The following ANKS1B variants were observed in gnomAD, a reference collection of about 807,000 sequenced individuals.
ANKS1B encodes ankyrin repeat and sterile alpha motif domain-containing protein 1B.
ANKS1B carries 36 observed loss-of-function variants against 148.3 expected under a neutral mutation model. The observed-to-expected ratio is 0.24, with a 90% confidence interval of 0.19 to 0.32. The LOEUF (loss-of-function observed/expected upper bound fraction) is 0.32. ANKS1B is among the 10% of genes least tolerant of loss of function. The pLI, the probability that ANKS1B is intolerant of heterozygous loss-of-function variation, is 1.00. For missense variants in ANKS1B, 1,157 were observed against 1,542.6 expected (o/e 0.75, Z 4.19); for synonymous variants, 542 against 560.8 (o/e 0.97, Z 0.47).
At chr12:99,161,148 C>A (rs1362163345) in intron 14 of ANKS1B, among the ~76,000 whole-genome samples, 3 of 152,142 alleles carry the variant, frequency 2.0e-5, no homozygotes, top group Admixed American at 2.0e-4. Flanking sequence ...CATATTGATT[C>A]TTTCAATCCA....
chr12:99,283,438 T>C (rs1233302573), intron 12 of ANKS1B, among the ~76,000 whole-genome samples: 2 of 152,224 alleles, frequency 1.3e-5, no homozygotes, highest in African/African-American at 2.4e-5. Flanking sequence ...TATTCATCTT[T>C]ACTGTTTGTT....
At chr12:99,334,802 G>A (rs1483148608) in intron 12 of ANKS1B, among the ~76,000 whole-genome samples, 1 of 152,014 alleles carries the variant, frequency 6.6e-6, no homozygotes, top group Non-Finnish European at 1.5e-5. Context: ...ATGGAGTAAG[G>A]CAAGGTGTCC....
chr12:98,954,557 T>C (rs1360030922), intron 17 of ANKS1B: 2 of 152,228 alleles, frequency 1.3e-5, no homozygotes, highest in Non-Finnish European at 2.9e-5. Flanking sequence ...CAAAATGGTG[T>C]TTATGTAGCT....
At chr12:99,549,181 G>T (rs2097196725) in intron 9 of ANKS1B, among the ~76,000 whole-genome samples, 1 of 152,184 alleles carries the variant, frequency 6.6e-6, no homozygotes, top group African/African-American at 2.4e-5. Context: ...CAAGTCTCCA[G>T]TCCAGGTATA....
intron 8 of ANKS1B, among the ~76,000 whole-genome samples, chr12:99,771,481 G>A (rs1336581875): frequency 1.3e-5 from 2 of 151,984 alleles, no homozygotes; most frequent in Non-Finnish European, 2.9e-5. Context: ...ACTATGTGTT[G>A]TTTATATAGC....
intron 8 of ANKS1B, among the ~76,000 whole-genome samples, chr12:99,712,986 A>G (rs1475218596): frequency 6.6e-6 from 1 of 152,174 alleles, no homozygotes; most frequent in Non-Finnish European, 1.5e-5. Context: ...TGGAAGTCAA[A>G]CAAACTTCTA....
rs190751929 is a variant in ANKS1B, at chr12:99,323,925, C to T, written c.1756+75706G>A. Among the ~76,000 whole-genome samples, 597 of 152,168 alleles carry T rather than the reference C, an allele frequency of 3.9e-3. 4 individuals carry two copies. The highest frequency in any genetic ancestry group is 0.014 in the African/African-American group (568 of 41,514). ...TATAATATTTTTTTTCCTCTTTGGG[C>T]CTCATTTATCTCATTTGTTTTTTGA... is the stretch of plus-strand genomic sequence containing the variant. On this transcript the variant is annotated intron_variant, in intron 12 of 26. Coordinates refer to ENST00000683438, the MANE Select transcript of ANKS1B (RefSeq NM_001352186.2).
intron 9 of ANKS1B, among the ~76,000 whole-genome samples, chr12:99,568,946 T>C (rs1190022945): frequency 6.6e-6 from 1 of 152,226 alleles, no homozygotes; most frequent in Non-Finnish European, 1.5e-5. Context: ...CAATGATTCA[T>C]ACTGATTACC....
intron 9 of ANKS1B, among the ~76,000 whole-genome samples, chr12:99,589,949 C>A (rs1288897606): frequency 6.6e-6 from 1 of 151,958 alleles, no homozygotes; most frequent in Non-Finnish European, 1.5e-5. Context: ...ATATGTGCAA[C>A]TATTATGTAT....
At chr12:99,186,164 C>T (rs982663213) in intron 14 of ANKS1B, among the ~76,000 whole-genome samples, 1 of 152,194 alleles carries the variant, frequency 6.6e-6, no homozygotes, top group African/African-American at 2.4e-5. Flanking sequence ...ATTGGTAAAG[C>T]TGCTGTAGCC....
At chr12:98,896,559 G>A (rs2099764919) in intron 17 of ANKS1B, among the ~76,000 whole-genome samples, 1 of 152,106 alleles carries the variant, frequency 6.6e-6, no homozygotes, top group Admixed American at 6.5e-5. Flanking sequence ...CTTCTGTGAG[G>A]GTCAGGATAA....
intron 17 of ANKS1B, among the ~76,000 whole-genome samples, chr12:98,845,930 T>C (rs1221054627): frequency 1.3e-5 from 2 of 151,766 alleles, no homozygotes; most frequent in Admixed American, 1.3e-4. Context: ...AAAGATACTT[T>C]TTTTTCTGTT....
intron 4 of ANKS1B, among the ~76,000 whole-genome samples, chr12:99,799,389 G>A (rs940260457): frequency 1.3e-5 from 2 of 152,070 alleles, no homozygotes; most frequent in African/African-American, 4.8e-5. Flanking sequence ...CACATCCAAA[G>A]AGAGACCTCT....
intron 17 of ANKS1B, among the ~76,000 whole-genome samples, chr12:98,996,165 C>T (rs1442164901): frequency 6.6e-6 from 1 of 152,022 alleles, no homozygotes; most frequent in Non-Finnish European, 1.5e-5. Flanking sequence ...GCTAGTTCCA[C>T]CTTACCAAGC....
At chr12:99,689,760 T>A (rs571078346) in intron 8 of ANKS1B, among the ~76,000 whole-genome samples, 5 of 152,104 alleles carry the variant, frequency 3.3e-5, no homozygotes, top group Non-Finnish European at 7.4e-5. Flanking sequence ...CCTCCAATAG[T>A]CTACAAGACA....
At chr12:99,660,695 A>C (rs765573644) in intron 8 of ANKS1B, among the ~76,000 whole-genome samples, 5 of 152,134 alleles carry the variant, frequency 3.3e-5, no homozygotes, top group Admixed American at 6.5e-5. Context: ...TGTTGTCTTT[A>C]ACCTGTTCAC....
chr12:99,843,948 C>G (rs1280869788), intron 1 of ANKS1B, among the ~76,000 whole-genome samples: 1 of 152,058 alleles, frequency 6.6e-6, no homozygotes, highest in Non-Finnish European at 1.5e-5. Flanking sequence ...GTCATTCTTA[C>G]TGGTGTGAGA....
At chr12:99,712,408 T>G (rs1393683104) in intron 8 of ANKS1B, among the ~76,000 whole-genome samples, 1 of 152,126 alleles carries the variant, frequency 6.6e-6, no homozygotes, top group Non-Finnish European at 1.5e-5. Flanking sequence ...GAGTGAGAGA[T>G]TATTATGGAT....
chr12:99,958,963 C>G (rs1192432712), intron 1 of ANKS1B, among the ~76,000 whole-genome samples: 3 of 151,808 alleles, frequency 2.0e-5, no homozygotes, highest in Non-Finnish European at 4.4e-5. Flanking sequence ...CCGGGGATAA[C>G]ATGTCTAGCG....
Sources: allele counts gnomAD v4.1 joint callset (sites outside exome capture counted in the v4.1 genomes callset), GRCh38; gene constraint gnomAD v4.1.1; transcripts MANE v1.5; gene names NCBI Gene and HGNC (gene_info 2026-07-23, HGNC 2026-07-21).